Variants in BLZF1 observed in about 807,000 individuals in gnomAD.
BLZF1 encodes golgin-45.
Under a neutral mutation model 43.8 loss-of-function variants are expected in BLZF1, and 39 were observed. That is an observed-to-expected ratio of 0.89 (90% CI 0.69 to 1.16). The LOEUF (loss-of-function observed/expected upper bound fraction) is 1.16. BLZF1 is among the 50% of genes most tolerant of loss of function. BLZF1 has a pLI of 0.00. For missense variants in BLZF1, 449 were observed against 469.8 expected, an observed-to-expected ratio of 0.96 and a Z score of 0.41; for synonymous variants, 136 against 159.4, an observed-to-expected ratio of 0.85 and a Z score of 1.11.
intron 2 of BLZF1, among the ~76,000 whole-genome samples, chr1:169,370,855 T>A (rs934220704): frequency 6.6e-6 from 1 of 152,196 alleles, no homozygotes; most frequent in Non-Finnish European, 1.5e-5. Context: ...ATTCATACCC[T>A]TATAGACTAC....
At position 169,382,391 on chromosome 1, in the gene BLZF1, A is replaced by G. The variant is rs141688688; in HGVS notation, c.1017+110A>G. 4.1e-4 allele frequency: 369 copies of G among 901,592 alleles called. 1 individual carries two copies. The African/African-American group carries it at 5.1e-3, about 12-fold the overall frequency. 55.8% of individuals were successfully genotyped at this position (901,592 alleles called of 1,614,324 possible). ...TTAGGAATTAGGAAATGTGGGATCT[A>G]AACCACTCATGCTATTGAGTGTGTT... On this transcript the variant is annotated intron_variant, in intron 6 of 6. Coordinates refer to ENST00000367808, the MANE Select transcript of BLZF1 (RefSeq NM_001320973.2).
intron 1 of BLZF1, among the ~76,000 whole-genome samples, chr1:169,368,602 A>G (rs1653987501): frequency 6.6e-6 from 1 of 152,146 alleles, no homozygotes; most frequent in South Asian, 2.1e-4. Context: ...ATTTGCCAGC[A>G]GGCACTCGCT....
chr1:169,389,358 A>C (rs1167910653), downstream of BLZF1, among the ~76,000 whole-genome samples: 1 of 152,192 alleles, frequency 6.6e-6, no homozygotes, highest in Non-Finnish European at 1.5e-5. Flanking sequence ...CAAAAAGGAT[A>C]TATAGATGGC....
intron 5 of BLZF1, among the ~76,000 whole-genome samples, chr1:169,381,684 A>G (rs1348977415): frequency 1.3e-5 from 2 of 152,158 alleles, no homozygotes; most frequent in Non-Finnish European, 2.9e-5. Context: ...CATTTTGACC[A>G]AGTAAAGTGA....
chr1:169,384,931 T>G (rs866025654), intron 6 of BLZF1, among the ~76,000 whole-genome samples: 12 of 152,242 alleles, frequency 7.9e-5, no homozygotes, highest in Admixed American at 2.6e-4. Context: ...TTGCACATAC[T>G]AAGTGCTCAG....
At chr1:169,369,438 A>AT (rs1267240379) in intron 1 of BLZF1, 35 bp from the exon 2 acceptor site, 155 of 1,161,226 alleles carry the variant, frequency 1.3e-4, no homozygotes, top group Middle Eastern at 2.5e-4. Flanking sequence ...TTTATATGAT[A>AT]TTTTTAAAAT....
downstream of BLZF1, among the ~76,000 whole-genome samples, chr1:169,392,237 A>C (rs529932584): frequency 6.4e-4 from 98 of 152,320 alleles, no homozygotes; most frequent in Middle Eastern, 0.01. Context: ...AAAATGGAAA[A>C]GCTTACCATC....
chr1:169,381,376 A>G (rs1165217980), intron 5 of BLZF1, among the ~76,000 whole-genome samples: 3 of 152,144 alleles, frequency 2.0e-5, no homozygotes, highest in African/African-American at 7.2e-5. Context: ...ATTAAAGCAA[A>G]TATAATTTAT....
downstream of BLZF1, among the ~76,000 whole-genome samples, chr1:169,391,420 CT>C (rs1189672350): frequency 6.6e-6 from 1 of 152,190 alleles, no homozygotes; most frequent in Admixed American, 6.5e-5. Context: ...TTGCAAGCCA[CT>C]GGCCACTGAA....
At chr1:169,390,499 TAGTCAC>T, downstream of BLZF1, among the ~76,000 whole-genome samples, 1 of 152,274 alleles carries the variant, frequency 6.6e-6, no homozygotes, top group Middle Eastern at 3.4e-3. Context: ...GGGACATTAT[TAGTCAC>T]CTTACATAAA....
intron 5 of BLZF1, 33 bp from the exon 6 acceptor site, chr1:169,382,029 A>C (rs776696225): frequency 6.5e-7 from 1 of 1,530,054 alleles, no homozygotes; most frequent in Admixed American, 1.9e-5. Context: ...TTGCTCTCTT[A>C]CTATGTCCGG....
Position 169,368,656 on chromosome 1 carries a change from G to C in BLZF1, c.-51+314G>C, listed in dbSNP as rs61806991. Reference sequence around the variant, plus strand: ...GAGCAGCTATCAAGGGCAGTTTCAGGGATCGTTACTCTTACGAAGGGTTTT... The same window carrying C: ...GAGCAGCTATCAAGGGCAGTTTCAGCGATCGTTACTCTTACGAAGGGTTTT... On this transcript the variant is annotated intron_variant, in intron 1 of 6. Transcript: ENST00000367808. Among the ~76,000 whole-genome samples the C allele has an allele frequency of 3.6e-3, 547 of 152,316 alleles. 4 individuals are homozygous for C. Among genetic ancestry groups the C allele is most frequent in the Non-Finnish European group, 6.1e-3 (416 of 68,032 alleles).
downstream of BLZF1, among the ~76,000 whole-genome samples, chr1:169,389,163 G>A (rs1358061545): frequency 6.6e-6 from 1 of 150,894 alleles, no homozygotes; most frequent in East Asian, 1.9e-4. Flanking sequence ...GTGTGGTAGT[G>A]GACGCCTGTA....
chr1:169,392,163 G>A (rs1174287233), downstream of BLZF1, among the ~76,000 whole-genome samples: 1 of 150,664 alleles, frequency 6.6e-6, no homozygotes, highest in East Asian at 2.5e-4. Context: ...TAAGATGGCA[G>A]TACTACCCAA....
At position 169,371,835 on chromosome 1, in the gene BLZF1, G is replaced by A. The variant is rs906947641; in HGVS notation, c.28+2285G>A. ...TAGTAGACCAAATAGAAAGGTCTGA[G>A]ACATTTAAATATTTTTGATTCCATA... On this transcript the variant is annotated intron_variant, in intron 2 of 6. Transcript: ENST00000367808. Among the ~76,000 whole-genome samples the A allele has an allele frequency of 2.0e-5, 3 of 152,142 alleles. 1 individual carries two copies. In the South Asian group the frequency reaches 6.2e-4, roughly 31 times the overall value.
chr1:169,375,352 TATAAAAAACATATATAC>T (rs1654266921), intron 2 of BLZF1, among the ~76,000 whole-genome samples: 1 of 77,754 alleles, frequency 1.3e-5, no homozygotes, highest in East Asian at 2.3e-4. Context: ...AAAACATATA[TATAAAAAACATATATAC>T]ATATAAAACA....
chr1:169,386,887 T>C, intron 6 of BLZF1, 110 bp from the exon 7 acceptor site: 1 of 688,946 alleles, frequency 1.5e-6, no homozygotes, highest in Non-Finnish European at 2.3e-6. Flanking sequence ...TTTTTAGTAA[T>C]AGTTATATAT....
At chr1:169,380,317 T>A (rs1246476331) in intron 4 of BLZF1, among the ~76,000 whole-genome samples, 164 bp from the exon 5 acceptor site, 1 of 151,916 alleles carries the variant, frequency 6.6e-6, no homozygotes, top group East Asian at 1.9e-4. Flanking sequence ...TCTAAGCTAA[T>A]AAGCATTTTT....
Position 169,382,148 on chromosome 1 carries a change from T to C in BLZF1, c.884T>C (p.Leu295Pro). The C allele has an allele frequency of 1.2e-6, 2 of 1,613,850 alleles. No individual in the cohort carries two copies. Among genetic ancestry groups the C allele is most frequent in the South Asian group, 1.1e-5 (1 of 91,074 alleles). Residue 295 changes from leucine (L) to proline (P), a missense_variant, in exon 6 of 7, where the codon CTA (leucine) becomes CCA (proline). Leu to Pro is a moderately conservative substitution (Grantham distance 98). Transcript: ENST00000367808. ...PSVQPHSTAE[L>P]ALTNHKLAKA... ...GTACAACCCCACAGCACAGCAGAGC[T>C]AGCATTAACAAATCACAAGTTGGCA...
Sources: gnomAD v4.1 joint callset for allele counts (sites outside exome capture counted in the v4.1 genomes callset) on GRCh38, gnomAD v4.1.1 for gene constraint, MANE v1.5 for transcripts, NCBI Gene and HGNC (gene_info 2026-07-23, HGNC 2026-07-21) for gene names.